RGS7: variants seen among roughly 807,000 people sequenced by gnomAD.
RGS7 encodes the protein regulator of G-protein signaling 7.
Under a neutral mutation model 81.1 loss-of-function variants are expected in RGS7, and 27 were observed. The observed-to-expected ratio is 0.33, with a 90% CI of 0.25 to 0.46. The LOEUF (loss-of-function observed/expected upper bound fraction) is 0.46. RGS7 is among the 20% of genes least tolerant of loss of function. The pLI is 1.00. For missense variants in RGS7, 396 were observed against 607.4 expected (o/e 0.65, Z 3.66); for synonymous variants, 208 against 207.7 (o/e 1.00, Z -0.01).
intron 3 of RGS7, among the ~76,000 whole-genome samples, chr1:241,021,045 G>A (rs2059510379): frequency 6.6e-6 from 1 of 152,162 alleles, no homozygotes; most frequent in Non-Finnish European, 1.5e-5. Flanking sequence ...CACGACATTG[G>A]TAGAACTTCT....
Position 240,777,718 on chromosome 1 carries a change from T to A in RGS7, c.*7-1505A>T, listed in dbSNP as rs1241694862. On this transcript the variant is annotated intron_variant, in intron 18 of 18. Transcript: ENST00000440928. ...TTCTCCTTGGTTCATCAATGGTGCA[T>A]TCTCGTTGTGTCCTCAGATAATGGA... Among the ~76,000 whole-genome samples, 3 of 152,222 alleles carry A rather than the reference T, an allele frequency of 2.0e-5. No homozygotes were observed. The South Asian group carries it at 6.2e-4, about 32-fold the overall frequency.
chr1:240,826,239 C>T (rs899169241), intron 10 of RGS7, among the ~76,000 whole-genome samples: 2 of 152,178 alleles, frequency 1.3e-5, no homozygotes, highest in African/African-American at 2.4e-5. Flanking sequence ...TTTATCCTAA[C>T]ATCAAGGTAA....
At chr1:241,087,794 C>T (rs2063535510) in intron 3 of RGS7, among the ~76,000 whole-genome samples, 2 of 151,914 alleles carry the variant, frequency 1.3e-5, no homozygotes, top group South Asian at 4.2e-4. Context: ...ACTAAAACTA[C>T]AAAAATTAGC....
chr1:240,900,210 C>T (rs1024227839), intron 6 of RGS7, among the ~76,000 whole-genome samples: 1 of 152,132 alleles, frequency 6.6e-6, no homozygotes, highest in African/African-American at 2.4e-5. Flanking sequence ...AGGTTTTTAG[C>T]TTCTTTGAAA....
At chr1:241,298,258 T>C (rs2079538937) in intron 2 of RGS7, among the ~76,000 whole-genome samples, 1 of 152,118 alleles carries the variant, frequency 6.6e-6, no homozygotes, top group South Asian at 2.1e-4. Context: ...ATCCCTTGAT[T>C]GAGGGTCACC....
At chr1:240,994,020 G>A (rs996196157) in intron 3 of RGS7, among the ~76,000 whole-genome samples, 6 of 151,806 alleles carry the variant, frequency 4.0e-5, no homozygotes, top group African/African-American at 1.5e-4. Flanking sequence ...TCTCTATTCT[G>A]TTTTATTGAT....
At chr1:241,266,191 TC>T (rs1553303892) in intron 2 of RGS7, among the ~76,000 whole-genome samples, 1 of 152,120 alleles carries the variant, frequency 6.6e-6, no homozygotes, top group Non-Finnish European at 1.5e-5. Flanking sequence ...GAATTGTGAG[TC>T]ACAAAAAAAT....
At chr1:241,281,206 G>T (rs1246484672) in intron 2 of RGS7, among the ~76,000 whole-genome samples, 1 of 152,150 alleles carries the variant, frequency 6.6e-6, no homozygotes, top group Non-Finnish European at 1.5e-5. Context: ...CAGATGGTAC[G>T]TGGCACCATT....
At chr1:241,162,222 G>GCCCCCCCCTCCGCCC (rs68166816) in intron 2 of RGS7, among the ~76,000 whole-genome samples, 1 of 142,028 alleles carries the variant, frequency 7.0e-6, no homozygotes, top group Non-Finnish European at 1.6e-5. Context: ...CTGGTGATCA[G>GCCCCCCCCTCCGCCC]CTTCCAAATA....
chr1:240,812,679 C>T (rs1690074246), intron 13 of RGS7, among the ~76,000 whole-genome samples: 1 of 152,112 alleles, frequency 6.6e-6, no homozygotes, highest in Non-Finnish European at 1.5e-5. Context: ...AGGTGATCCA[C>T]CCACCAAAGC....
At chr1:240,817,115 A>G (rs529820902) in intron 10 of RGS7, among the ~76,000 whole-genome samples, 1 of 152,358 alleles carries the variant, frequency 6.6e-6, no homozygotes, top group African/African-American at 2.4e-5. Context: ...AGAAAGGCCC[A>G]TTGCTTAGTA....
intron 2 of RGS7, among the ~76,000 whole-genome samples, chr1:241,256,988 G>GTA (rs1019130211): frequency 2.0e-5 from 3 of 150,162 alleles, no homozygotes; most frequent in African/African-American, 7.4e-5. Context: ...TATACATATT[G>GTA]TATATATATG....
At chr1:240,935,750 T>C (rs921465578) in intron 5 of RGS7, among the ~76,000 whole-genome samples, 2 of 152,234 alleles carry the variant, frequency 1.3e-5, no homozygotes, top group Admixed American at 1.3e-4. Flanking sequence ...GTCATTTATG[T>C]AGACATAGAG....
intron 6 of RGS7, among the ~76,000 whole-genome samples, chr1:240,877,062 C>T (rs1665548574): frequency 6.6e-6 from 1 of 151,904 alleles, no homozygotes; most frequent in Non-Finnish European, 1.5e-5. Flanking sequence ...GCTAAGAATA[C>T]ACTATATTAA....
chr1:240,840,960 T>C (rs1279588462), intron 9 of RGS7, among the ~76,000 whole-genome samples: 1 of 152,010 alleles, frequency 6.6e-6, no homozygotes, highest in Non-Finnish European at 1.5e-5. Context: ...GTGTGTGCAT[T>C]TGTGTGTGCT....
At chr1:240,964,007 G>C (rs1280679372) in intron 4 of RGS7, among the ~76,000 whole-genome samples, 1 of 152,118 alleles carries the variant, frequency 6.6e-6, no homozygotes, top group African/African-American at 2.4e-5. Flanking sequence ...GTGAGACCCT[G>C]TCTCAAAATG....
chr1:240,777,019 G>A (rs1444366442), intron 18 of RGS7, among the ~76,000 whole-genome samples: 2 of 152,232 alleles, frequency 1.3e-5, no homozygotes, highest in Non-Finnish European at 2.9e-5. Flanking sequence ...TTGAGACCGG[G>A]CGCAGTGGCT....
intron 10 of RGS7, chr1:240,823,247 C>A: frequency 1.4e-6 from 1 of 693,806 alleles, no homozygotes; most frequent in Non-Finnish European, 2.7e-6. Flanking sequence ...CCTATGCTCA[C>A]CACCACCTAA....
At chr1:241,177,918 G>C (rs925964730) in intron 2 of RGS7, among the ~76,000 whole-genome samples, 3 of 152,208 alleles carry the variant, frequency 2.0e-5, no homozygotes, top group African/African-American at 7.2e-5. Context: ...AGGTCCAACT[G>C]AGTTGCCTTA....
Sources: allele counts gnomAD v4.1 joint callset (sites outside exome capture counted in the v4.1 genomes callset), GRCh38; gene constraint gnomAD v4.1.1; transcripts MANE v1.5; gene names NCBI Gene and HGNC (gene_info 2026-07-23, HGNC 2026-07-21).